Variants in SNX30 observed in about 807,000 individuals in gnomAD.
SNX30 encodes the protein sorting nexin-30.
Under a neutral mutation model 46.4 loss-of-function variants are expected in SNX30, and 24 were observed. The ratio of observed to expected loss-of-function variants is 0.52; its 90% CI spans 0.37 to 0.73. SNX30 has a LOEUF of 0.73. Ranked by LOEUF, SNX30 falls within the 30% of genes least tolerant of loss-of-function variation. The pLI, the probability that SNX30 is intolerant of heterozygous loss-of-function variation, is 0.00. For synonymous variants in SNX30, 189 were observed against 211.5 expected (o/e 0.89, Z 0.92); for missense variants, 533 against 555.7 (o/e 0.96, Z 0.41).
chr9:112,791,576 T>TA (rs1449756940), intron 1 of SNX30, among the ~76,000 whole-genome samples: 6 of 151,934 alleles, frequency 3.9e-5, no homozygotes, highest in Admixed American at 3.3e-4. Context: ...CACGCCCAGC[T>TA]AATTTTTGTA....
intron 1 of SNX30, among the ~76,000 whole-genome samples, chr9:112,764,424 A>G (rs1379729580): frequency 6.6e-6 from 1 of 152,116 alleles, no homozygotes; most frequent in Non-Finnish European, 1.5e-5. Flanking sequence ...TCTTTTGGCC[A>G]GGGTGGAGGA....
chr9:112,792,424 T>C (rs1840041002), intron 1 of SNX30, among the ~76,000 whole-genome samples: 1 of 152,184 alleles, frequency 6.6e-6, no homozygotes, highest in South Asian at 2.1e-4. Flanking sequence ...TCCATTTTCC[T>C]CTTTTTTTAT....
intron 1 of SNX30, among the ~76,000 whole-genome samples, chr9:112,795,129 A>C (rs1840087010): frequency 6.6e-6 from 1 of 152,148 alleles, no homozygotes; most frequent in Non-Finnish European, 1.5e-5. Flanking sequence ...CCAGCCTCAT[A>C]GTTTATAAGA....
At position 112,753,579 on chromosome 9, in the gene SNX30, C is replaced by T. The variant is rs188111194; in HGVS notation, c.156+2422C>T. Among the ~76,000 whole-genome samples the T allele has an allele frequency of 3.9e-5, 6 of 152,252 alleles. No individual in the cohort carries two copies. In the East Asian group the frequency reaches 5.8e-4, roughly 15 times the overall value. Reference sequence around the variant, plus strand: ...TGTATTTTTAGTAGAGACGAGGTTTCGCCATGTTGGCCAGGCTAGTCTCGA... The same window carrying T: ...TGTATTTTTAGTAGAGACGAGGTTTTGCCATGTTGGCCAGGCTAGTCTCGA... On this transcript the variant is annotated intron_variant, in intron 1 of 8. Transcript: ENST00000374232.
chr9:112,870,110 T>C lies in SNX30; in HGVS notation c.*1267T>C, dbSNP rs1427284053. ...TGGTTACAGGCTGCATTTCAGACAA[T>C]GACCAGGTTTACTTTTCAGATCACA... On this transcript the variant is annotated 3_prime_UTR_variant, in exon 9 of 9. Coordinates refer to ENST00000374232, the MANE Select transcript of SNX30 (RefSeq NM_001012994.2). 6.6e-6 allele frequency: 1 copy of C among 152,126 alleles called. No homozygotes were observed. Among genetic ancestry groups the C allele is most frequent in the Admixed American group, 6.5e-5 (1 of 15,274 alleles). 9.4% of individuals were successfully genotyped at this position (152,126 alleles called of 1,614,324 possible).
At chr9:112,859,735 G>T (rs564020864) in intron 7 of SNX30, among the ~76,000 whole-genome samples, 1 of 150,288 alleles carries the variant, frequency 6.7e-6, no homozygotes, top group African/African-American at 2.5e-5. Context: ...TCGAACTCCT[G>T]ACCTCAGGTG....
At chr9:112,830,559 C>T (rs1840645079) in intron 3 of SNX30, among the ~76,000 whole-genome samples, 166 bp from the exon 4 acceptor site, 1 of 151,870 alleles carries the variant, frequency 6.6e-6, no homozygotes, top group Admixed American at 6.6e-5. Context: ...GTATTTACTC[C>T]ATGTGTATTT....
At chr9:112,794,006 CTG>C (rs75088851) in intron 1 of SNX30, among the ~76,000 whole-genome samples, 9,743 of 152,050 alleles carry the variant, frequency 0.064, 693 homozygotes, top group African/African-American at 0.17. Context: ...AGGTTTCACT[CTG>C]TGTTCTTTGT....
At chr9:112,850,623 C>T (rs1841007925) in intron 6 of SNX30, among the ~76,000 whole-genome samples, 1 of 152,236 alleles carries the variant, frequency 6.6e-6, no homozygotes, top group Non-Finnish European at 1.5e-5. Context: ...CTTTCAGCGT[C>T]AGGTTTTAGT....
chr9:112,805,088 T>G (rs1255422924), intron 2 of SNX30, 121 bp downstream of exon 2: 1 of 582,704 alleles, frequency 1.7e-6, no homozygotes, highest in African/African-American at 1.9e-5. Context: ...TGATTGCAAT[T>G]GTGAGTGTGG....
intron 1 of SNX30, among the ~76,000 whole-genome samples, chr9:112,773,129 C>G (rs957948653): frequency 6.6e-6 from 1 of 152,096 alleles, no homozygotes. Flanking sequence ...GGTGTGAGGC[C>G]GTTGCAGCTG....
chr9:112,768,380 A>G (rs957496732), intron 1 of SNX30, among the ~76,000 whole-genome samples: 2 of 152,202 alleles, frequency 1.3e-5, no homozygotes, highest in African/African-American at 4.8e-5. Flanking sequence ...GCTCATAGAA[A>G]CTGCAGACTC....
intron 1 of SNX30, among the ~76,000 whole-genome samples, chr9:112,775,906 T>A (rs787282): frequency 4.0e-5 from 6 of 151,550 alleles, no homozygotes; most frequent in East Asian, 3.9e-4. Flanking sequence ...CCCCACTAGT[T>A]GCCTCAACAC....
At chr9:112,824,013 C>G (rs746526081) in intron 3 of SNX30, among the ~76,000 whole-genome samples, 1 of 152,072 alleles carries the variant, frequency 6.6e-6, no homozygotes, top group Non-Finnish European at 1.5e-5. Context: ...AGAAATAGGC[C>G]TCTGCCATGT....
chr9:112,847,155 C>T (rs1302046279), intron 6 of SNX30, among the ~76,000 whole-genome samples: 2 of 152,150 alleles, frequency 1.3e-5, no homozygotes, highest in Admixed American at 6.5e-5. Flanking sequence ...ATTTGGATGA[C>T]AGATATTGTG....
chr9:112,824,256 T>C (rs918026754), intron 3 of SNX30, among the ~76,000 whole-genome samples: 3 of 152,236 alleles, frequency 2.0e-5, no homozygotes, highest in African/African-American at 7.2e-5. Flanking sequence ...ACTAAAGTAC[T>C]AAGTACTATC....
intron 2 of SNX30, among the ~76,000 whole-genome samples, chr9:112,807,052 C>CTTTTTTTTTTTTTT (rs10554051): frequency 1.7e-4 from 11 of 63,008 alleles, no homozygotes; most frequent in Non-Finnish European, 2.1e-4. Flanking sequence ...TCTTTTCTAT[C>CTTTTTTTTTTTTTT]TTTTTTTTTT....
At chr9:112,824,309 A>G (rs774607648) in intron 3 of SNX30, among the ~76,000 whole-genome samples, 14 of 141,602 alleles carry the variant, frequency 9.9e-5, no homozygotes, top group Non-Finnish European at 2.0e-4. Flanking sequence ...TATTTAATGG[A>G]TTATTGTAAT....
intron 7 of SNX30, among the ~76,000 whole-genome samples, chr9:112,852,396 T>G (rs1328351738): frequency 6.6e-6 from 1 of 152,218 alleles, no homozygotes; most frequent in Non-Finnish European, 1.5e-5. Context: ...TACAGGAGGC[T>G]GTGCATCAGT....
Sources: gnomAD v4.1 joint callset for allele counts (sites outside exome capture counted in the v4.1 genomes callset) on GRCh38, gnomAD v4.1.1 for gene constraint, MANE v1.5 for transcripts, NCBI Gene and HGNC (gene_info 2026-07-23, HGNC 2026-07-21) for gene names.